Variants in ABHD18 observed in about 807,000 individuals in gnomAD.
ABHD18 encodes cardiolipin-specific deacylase, mitochondrial.
ABHD18 carries 55 observed loss-of-function variants against 65.9 expected under a neutral mutation model. The observed-to-expected ratio is 0.84, with a 90% CI of 0.67 to 1.05. ABHD18 has a LOEUF of 1.05. Ranked by LOEUF, ABHD18 falls within the 50% of genes least tolerant of loss-of-function variation. The pLI, the probability that ABHD18 is intolerant of heterozygous loss-of-function variation, is 0.00. For synonymous variants in ABHD18, 181 were observed against 180.2 expected, an observed-to-expected ratio of 1.00 and a Z score of -0.04; for missense variants, 533 against 558.5, an observed-to-expected ratio of 0.95 and a Z score of 0.46.
intron 4 of ABHD18, chr4:128,001,838 TTTGTTTTG>T: frequency 7.4e-7 from 1 of 1,357,676 alleles, no homozygotes; most frequent in Non-Finnish European, 9.5e-7. Context: ...TGAGTTTTGT[TTTGTTTTG>T]TTTTTTTTTT....
chr4:128,009,074 T>C (rs1181509687), intron 5 of ABHD18, 33 bp from the exon 6 acceptor site: 1 of 1,586,888 alleles, frequency 6.3e-7, no homozygotes, highest in Admixed American at 1.9e-5. Flanking sequence ...GGCTACTATA[T>C]TCTTTTGAGT....
chr4:127,986,222 T>G (rs1384668253), intron 3 of ABHD18, among the ~76,000 whole-genome samples: 2 of 152,206 alleles, frequency 1.3e-5, no homozygotes, highest in Non-Finnish European at 2.9e-5. Flanking sequence ...ACTCTCTGTC[T>G]CTATGGATTC....
At chr4:127,981,720 T>C (rs1314059313) in intron 1 of ABHD18, among the ~76,000 whole-genome samples, 1 of 152,168 alleles carries the variant, frequency 6.6e-6, no homozygotes, top group Non-Finnish European at 1.5e-5. Flanking sequence ...ATAATAAAAC[T>C]GTATATGCAA....
intron 1 of ABHD18, among the ~76,000 whole-genome samples, chr4:127,970,604 A>G (rs1218274163): frequency 6.6e-6 from 1 of 151,362 alleles, no homozygotes; most frequent in African/African-American, 2.4e-5. Flanking sequence ...AAAAAAAAAA[A>G]AAAAAAGAAA....
chr4:128,022,265 A>C (rs1430814999), intron 10 of ABHD18, among the ~76,000 whole-genome samples: 1 of 152,212 alleles, frequency 6.6e-6, no homozygotes, highest in Non-Finnish European at 1.5e-5. Flanking sequence ...AAAAAAGAAA[A>C]AAGATAACTT....
rs1758878545 is a variant in ABHD18, at chr4:128,036,316, A to G, written c.*503A>G. On this transcript the variant is annotated 3_prime_UTR_variant, in exon 13 of 13. Coordinates refer to ENST00000645843, the MANE Select transcript of ABHD18 (RefSeq NM_001358451.3). The stretch of plus-strand genomic sequence containing the variant: ...TGCTGTGGAAATAAATACTTATGAT[A>G]TATAAAATCAGTGTTAACTTTGAAT... 6.6e-6 allele frequency: 1 copy of G among 152,160 alleles called. No individual in the cohort carries two copies. The highest frequency in any genetic ancestry group is 1.5e-5 in the Non-Finnish European group (1 of 68,036). 9.4% of individuals were successfully genotyped at this position (152,160 alleles called of 1,614,324 possible).
Position 128,001,887 on chromosome 4 carries a change from C to A in ABHD18, c.279-7033C>A, listed in dbSNP as rs1267816009. On this transcript the variant is annotated intron_variant, in intron 4 of 12. Coordinates refer to ENST00000645843, the MANE Select transcript of ABHD18 (RefSeq NM_001358451.3). ...CCTTGTGCCTGCCACTCAGAAGACC[C>A]TTTCAGTTTGAAAAAAACAGATAAA... The A allele has an allele frequency of 1.5e-5, 16 of 1,082,258 alleles. No individual in the cohort carries two copies. The East Asian group carries it at 4.1e-4, about 28-fold the overall frequency. 67.0% of individuals were successfully genotyped at this position (1,082,258 alleles called of 1,614,324 possible).
intron 7 of ABHD18, among the ~76,000 whole-genome samples, chr4:128,014,195 C>A (rs1755087568): frequency 6.6e-6 from 1 of 151,822 alleles, no homozygotes; most frequent in South Asian, 2.1e-4. Flanking sequence ...GTTGGTCAGG[C>A]TGGTCTCGAA....
chr4:127,971,092 A>T (rs1043890498), intron 1 of ABHD18, among the ~76,000 whole-genome samples: 3 of 150,572 alleles, frequency 2.0e-5, no homozygotes, highest in Non-Finnish European at 4.4e-5. Flanking sequence ...AAAAAAAAAG[A>T]AAGAAATTAG....
chr4:127,984,568 T>C (rs941599392), intron 3 of ABHD18, 145 bp downstream of exon 3: 1 of 490,164 alleles, frequency 2.0e-6, no homozygotes. Flanking sequence ...TAAAGAATAC[T>C]ATTTGTGGGC....
chr4:128,023,151 C>T (rs1192141673), intron 10 of ABHD18, among the ~76,000 whole-genome samples: 1 of 152,024 alleles, frequency 6.6e-6, no homozygotes, highest in African/African-American at 2.4e-5. Context: ...AATCTTTCTA[C>T]TATGAATGAG....
intron 4 of ABHD18, among the ~76,000 whole-genome samples, chr4:127,990,378 C>A (rs1017807755): frequency 6.6e-6 from 1 of 152,088 alleles, no homozygotes; most frequent in Admixed American, 6.6e-5. Context: ...GCCTGGCCAA[C>A]GTGGCGAAAC....
chr4:128,019,764 A>G (rs1220110715), intron 8 of ABHD18, among the ~76,000 whole-genome samples: 1 of 152,156 alleles, frequency 6.6e-6, no homozygotes, highest in Non-Finnish European at 1.5e-5. Flanking sequence ...TTAAGTAATG[A>G]GTGTGTTTAC....
chr4:127,977,757 GA>G (rs1446179768), intron 1 of ABHD18, among the ~76,000 whole-genome samples: 1 of 151,066 alleles, frequency 6.6e-6, no homozygotes, highest in African/African-American at 2.4e-5. Context: ...CAGGACAGAA[GA>G]AACATTTAGA....
At chr4:128,030,272 T>C (rs1758012065) in intron 11 of ABHD18, among the ~76,000 whole-genome samples, 2 of 152,228 alleles carry the variant, frequency 1.3e-5, no homozygotes, top group African/African-American at 4.8e-5. Context: ...TATATACACC[T>C]ACTGTGTACC....
intron 4 of ABHD18, among the ~76,000 whole-genome samples, chr4:127,997,960 G>A (rs1752022842): frequency 6.6e-6 from 1 of 151,464 alleles, no homozygotes; most frequent in Admixed American, 6.6e-5. Context: ...CGCAATCACA[G>A]CTCACTGCAG....
At chr4:128,022,242 T>C (rs1217809643) in intron 10 of ABHD18, among the ~76,000 whole-genome samples, 1 of 152,170 alleles carries the variant, frequency 6.6e-6, no homozygotes, top group Non-Finnish European at 1.5e-5. Context: ...AAAAAATCAA[T>C]CAATCAATCT....
chr4:128,010,916 A>C (rs1007228131), intron 6 of ABHD18, among the ~76,000 whole-genome samples: 6 of 152,070 alleles, frequency 3.9e-5, no homozygotes, highest in African/African-American at 7.2e-5. Context: ...AAAAAAAAAA[A>C]AAAAAACCGT....
At position 128,028,697 on chromosome 4, in the gene ABHD18, C is replaced by T; in HGVS notation, c.1024C>T (p.Gln342Ter). 1 of 1,613,922 alleles carries T rather than the reference C, an allele frequency of 6.2e-7. No homozygotes were observed. The highest frequency in any genetic ancestry group is 8.5e-7 in the Non-Finnish European group (1 of 1,179,866). The part of the protein sequence containing the change: ...QDTSKMKRFN[Q>*]TLSTNKSGYT... ...TACCTCTAAGATGAAGCGCTTCAATCAAACACTTTCAACCAACAAAAGTGG... is the reference window on the plus strand; with the variant it reads ...TACCTCTAAGATGAAGCGCTTCAATTAAACACTTTCAACCAACAAAAGTGG... Residue 342 changes from glutamine to a stop codon, truncating the protein, a stop_gained, in exon 11 of 13, where the codon CAA (glutamine) becomes TAA (stop). Transcript: ENST00000645843. LOFTEE classifies it high-confidence loss of function.
Sources: gnomAD v4.1 joint callset for allele counts (sites outside exome capture counted in the v4.1 genomes callset) on GRCh38, gnomAD v4.1.1 for gene constraint, MANE v1.5 for transcripts, NCBI Gene and HGNC (gene_info 2026-07-23, HGNC 2026-07-21) for gene names.